The following XIRP2 variants were observed in gnomAD, a reference collection of about 807,000 sequenced individuals.
XIRP2 encodes xin actin-binding repeat-containing protein 2.
Under a neutral mutation model 277.0 loss-of-function variants are expected in XIRP2, and 236 were observed. The observed-to-expected ratio is 0.85, with a 90% CI of 0.77 to 0.95. XIRP2 has a LOEUF of 0.95. Ranked by LOEUF, XIRP2 falls within the 40% of genes least tolerant of loss-of-function variation. XIRP2 has a pLI of 0.00. For synonymous variants in XIRP2, 1,490 were observed against 1,416.5 expected, an observed-to-expected ratio of 1.05 and a Z score of -1.17; for missense variants, 4,640 against 4,157.5, an observed-to-expected ratio of 1.12 and a Z score of -3.19.
intron 3 of XIRP2, among the ~76,000 whole-genome samples, chr2:167,171,278 T>A (rs1037317288): frequency 1.3e-5 from 2 of 152,116 alleles, no homozygotes; most frequent in Non-Finnish European, 2.9e-5. Context: ...AATTTAAACA[T>A]GTTTTTAGCA....
chr2:166,965,247 C>T (rs1303755527), intron 2 of XIRP2, among the ~76,000 whole-genome samples: 1 of 151,912 alleles, frequency 6.6e-6, no homozygotes, highest in African/African-American at 2.4e-5. Context: ...ACCAGTGTCA[C>T]TATTCTCTAC....
At chr2:167,001,027 C>G (rs1687353532) in intron 2 of XIRP2, among the ~76,000 whole-genome samples, 1 of 152,178 alleles carries the variant, frequency 6.6e-6, no homozygotes, top group Non-Finnish European at 1.5e-5. Context: ...CCCTTCACTT[C>G]AGCCTCCATT....
Position 167,259,225 on chromosome 2 carries a change from T to C in XIRP2, c.*1408T>C. Reference sequence around the variant, plus strand: ...TTGAAACAACAGAAGCTGCCCGCAATAATGAAAACACAGGTTTTGATGCTC... The same window carrying C: ...TTGAAACAACAGAAGCTGCCCGCAACAATGAAAACACAGGTTTTGATGCTC... On this transcript the variant is annotated 3_prime_UTR_variant, in exon 11 of 11. Transcript: ENST00000409195. The C allele has an allele frequency of 6.2e-7, 1 of 1,613,440 alleles. No individual in the cohort carries two copies. Among genetic ancestry groups the C allele is most frequent in the Non-Finnish European group, 8.5e-7 (1 of 1,179,626 alleles).
intron 3 of XIRP2, among the ~76,000 whole-genome samples, chr2:167,165,439 C>G (rs558521916): frequency 4.6e-5 from 7 of 152,292 alleles, no homozygotes; most frequent in African/African-American, 1.7e-4. Context: ...TCCAAAGTGG[C>G]TGTACAATTT....
chr2:167,144,486 T>C (rs984571846), intron 3 of XIRP2, among the ~76,000 whole-genome samples: 15 of 152,084 alleles, frequency 9.9e-5, no homozygotes, highest in Middle Eastern at 6.8e-3. Context: ...TTGAAGATCA[T>C]CTTTAAAAAA....
intron 2 of XIRP2, among the ~76,000 whole-genome samples, chr2:166,907,864 G>A (rs1684571870): frequency 6.7e-6 from 1 of 148,400 alleles, no homozygotes; most frequent in Non-Finnish European, 1.5e-5. Flanking sequence ...AACATGCAGT[G>A]TTTGGTTTTT....
intron 2 of XIRP2, among the ~76,000 whole-genome samples, chr2:166,994,744 T>C (rs1276915785): frequency 6.6e-6 from 1 of 151,862 alleles, no homozygotes; most frequent in Non-Finnish European, 1.5e-5. Flanking sequence ...GTTAATAGTA[T>C]TATGTCAGTG....
chr2:166,984,553 A>G (rs1686953094), intron 2 of XIRP2, among the ~76,000 whole-genome samples: 1 of 152,224 alleles, frequency 6.6e-6, no homozygotes, highest in Non-Finnish European at 1.5e-5. Flanking sequence ...TATCTGCAGG[A>G]AAAAGTATAT....
chr2:167,246,129 T>C lies in XIRP2; in HGVS notation c.4737T>C (p.Asp1579=), dbSNP rs1175998590. The part of the protein sequence containing the change: ...GIIIEADEIG[D]VRMAKYKLMN... ...TCATTGAAGCTGATGAAATAGGGGATGTTCGAATGGCAAAATACAAGCTAA... is the reference window on the plus strand; with the variant it reads ...TCATTGAAGCTGATGAAATAGGGGACGTTCGAATGGCAAAATACAAGCTAA... The change falls in exon 9 of 11, where the codon GAT becomes GAC. Residue 1579 remains aspartate, a synonymous_variant. Coordinates refer to ENST00000409195, the MANE Select transcript of XIRP2 (RefSeq NM_152381.6). 12 of 1,613,250 alleles carry C rather than the reference T, an allele frequency of 7.4e-6. No individual in the cohort carries two copies. Among genetic ancestry groups the C allele is most frequent in the South Asian group, 5.5e-5 (5 of 90,924 alleles).
intron 1 of XIRP2, among the ~76,000 whole-genome samples, chr2:166,892,163 C>G (rs1425026927): frequency 1.3e-5 from 2 of 152,090 alleles, no homozygotes; most frequent in East Asian, 1.9e-4. Flanking sequence ...CCAACAATAC[C>G]TTTTTATTCC....
chr2:167,078,482 T>C (rs1558971082), intron 2 of XIRP2, among the ~76,000 whole-genome samples: 1 of 152,166 alleles, frequency 6.6e-6, no homozygotes. Flanking sequence ...GCCTGCTTGC[T>C]CTGGATGGGA....
intron 2 of XIRP2, among the ~76,000 whole-genome samples, chr2:166,942,309 C>G (rs1685741418): frequency 6.6e-6 from 1 of 152,158 alleles, no homozygotes; most frequent in Admixed American, 6.6e-5. Context: ...GCCTTGGAGT[C>G]AAGCAAAGAC....
At chr2:167,099,807 C>A (rs1435173342) in intron 2 of XIRP2, among the ~76,000 whole-genome samples, 1 of 152,106 alleles carries the variant, frequency 6.6e-6, no homozygotes, top group African/African-American at 2.4e-5. Context: ...ACACCTTACC[C>A]TGCTTCTGCT....
intron 3 of XIRP2, among the ~76,000 whole-genome samples, chr2:167,163,792 T>C (rs1043400926): frequency 2.0e-5 from 3 of 152,336 alleles, no homozygotes; most frequent in Middle Eastern, 3.4e-3. Flanking sequence ...AGGTTTTACA[T>C]GTAAATCTAT....
At chr2:167,085,468 G>C (rs909158397) in intron 2 of XIRP2, among the ~76,000 whole-genome samples, 2 of 151,490 alleles carry the variant, frequency 1.3e-5, no homozygotes, top group African/African-American at 4.8e-5. Flanking sequence ...TCTGCTTGGT[G>C]CAGAGCTGAG....
intron 3 of XIRP2, among the ~76,000 whole-genome samples, chr2:167,191,447 A>T (rs1693330929): frequency 6.6e-6 from 1 of 151,650 alleles, no homozygotes; most frequent in African/African-American, 2.4e-5. Flanking sequence ...CATCAACCCA[A>T]CCCCAGCCCA....
At chr2:167,084,311 A>C (rs1689853142) in intron 2 of XIRP2, among the ~76,000 whole-genome samples, 1 of 152,114 alleles carries the variant, frequency 6.6e-6, no homozygotes, top group South Asian at 2.1e-4. Flanking sequence ...ATGGTGGATA[A>C]GTTTTTTGAT....
chr2:167,068,250 C>CA (rs141611259), intron 2 of XIRP2, among the ~76,000 whole-genome samples: 1,722 of 152,090 alleles, frequency 0.011, 35 homozygotes, highest in African/African-American at 0.039. Flanking sequence ...GGAAAACAAA[C>CA]AAAAAAACAA....
chr2:167,166,541 A>G (rs1181773493), intron 3 of XIRP2, among the ~76,000 whole-genome samples: 1 of 152,168 alleles, frequency 6.6e-6, no homozygotes, highest in East Asian at 1.9e-4. Flanking sequence ...TGGATAATTT[A>G]TAAAGAAAAG....
Sources: allele counts gnomAD v4.1 joint callset (sites outside exome capture counted in the v4.1 genomes callset), GRCh38; gene constraint gnomAD v4.1.1; transcripts MANE v1.5; gene names NCBI Gene and HGNC (gene_info 2026-07-23, HGNC 2026-07-21).